The following KDM4C variants were observed in gnomAD, a reference collection of about 807,000 sequenced individuals.
KDM4C encodes lysine demethylase 4C.
A neutral mutation model predicts 129.3 loss-of-function variants in KDM4C; 81 were observed. That is an observed-to-expected ratio of 0.63 (90% CI 0.52 to 0.75). The LOEUF (loss-of-function observed/expected upper bound fraction) is 0.75, where lower values mean the gene tolerates loss of function less well. KDM4C is among the 30% of genes least tolerant of loss of function. KDM4C has a pLI of 0.00. For missense variants in KDM4C, 1,457 were observed against 1,304.0 expected (o/e 1.12, Z -1.81); for synonymous variants, 573 against 456.1 (o/e 1.26, Z -3.26).
chr9:7,025,471 T>C (rs1425093705), intron 15 of KDM4C, among the ~76,000 whole-genome samples: 2 of 152,258 alleles, frequency 1.3e-5, no homozygotes, highest in Non-Finnish European at 1.5e-5. Flanking sequence ...AAGGTGATTT[T>C]GTCTTGTGGT....
chr9:6,815,204 T>C (rs1191256381), intron 4 of KDM4C: 1 of 152,008 alleles, frequency 6.6e-6, no homozygotes, highest in African/African-American at 2.4e-5. Context: ...ATATATATTT[T>C]TAAAAAGTAC....
intron 15 of KDM4C, among the ~76,000 whole-genome samples, chr9:7,044,906 A>G (rs1829171675): frequency 6.6e-6 from 1 of 151,966 alleles, no homozygotes; most frequent in Admixed American, 6.6e-5. Flanking sequence ...CAGGAGGACA[A>G]TGAGGAGTCT....
intron 5 of KDM4C, among the ~76,000 whole-genome samples, chr9:6,875,464 A>C (rs911644274): frequency 6.6e-6 from 1 of 152,200 alleles, no homozygotes; most frequent in African/African-American, 2.4e-5. Context: ...TAGGACAGGA[A>C]GACTAATTTT....
At chr9:7,003,698 T>G (rs1024322237) in intron 12 of KDM4C, among the ~76,000 whole-genome samples, 1 of 152,236 alleles carries the variant, frequency 6.6e-6, no homozygotes, top group Non-Finnish European at 1.5e-5. Flanking sequence ...TTTTCCTCAA[T>G]GTCATCACTT....
chr9:7,011,110 A>T (rs925632249), intron 12 of KDM4C, among the ~76,000 whole-genome samples: 1 of 152,216 alleles, frequency 6.6e-6, no homozygotes, highest in African/African-American at 2.4e-5. Context: ...GGGGTATTTT[A>T]TGAGAAGATC....
intron 4 of KDM4C, among the ~76,000 whole-genome samples, chr9:6,825,941 G>A (rs1453478039): frequency 6.6e-6 from 1 of 152,104 alleles, no homozygotes; most frequent in Non-Finnish European, 1.5e-5. Context: ...CTACTGAGTA[G>A]CTGGGACTAC....
intron 1 of KDM4C, among the ~76,000 whole-genome samples, chr9:6,742,656 C>T (rs1396471954): frequency 4.3e-5 from 6 of 138,790 alleles, no homozygotes; most frequent in African/African-American, 1.7e-4. Flanking sequence ...ATTCCTCAGG[C>T]TCCTTTATTT....
intron 5 of KDM4C, 57 bp from the exon 6 acceptor site, chr9:6,879,955 A>T: frequency 1.2e-6 from 1 of 818,936 alleles, no homozygotes; most frequent in Non-Finnish European, 2.0e-6. Context: ...AGATGTCCTT[A>T]GGCTACTAGC....
intron 15 of KDM4C, among the ~76,000 whole-genome samples, chr9:7,027,305 G>GC (rs1825969106): frequency 6.6e-6 from 1 of 152,182 alleles, no homozygotes; most frequent in African/African-American, 2.4e-5. Context: ...GACACCCCAA[G>GC]CTCAGTAACA....
At chr9:7,174,432 A>G (rs1298998442) in intron 21 of KDM4C, 121 bp from the exon 22 acceptor site, 2 of 881,640 alleles carry the variant, frequency 2.3e-6, no homozygotes, top group Non-Finnish European at 1.8e-6. Context: ...GGGCCCTTTT[A>G]GCCTGAGCTG....
intron 17 of KDM4C, among the ~76,000 whole-genome samples, chr9:7,051,452 G>A (rs760725420): frequency 3.3e-5 from 5 of 152,128 alleles, no homozygotes; most frequent in African/African-American, 7.2e-5. Flanking sequence ...GGAATGAAAC[G>A]CACCTTTCCA....
chr9:7,163,047 C>T (rs559820296), intron 19 of KDM4C, among the ~76,000 whole-genome samples: 1 of 152,092 alleles, frequency 6.6e-6, no homozygotes, highest in Admixed American at 6.5e-5. Context: ...TAGTGATGGG[C>T]CGTGCAGGAA....
chr9:6,782,200 A>C lies in KDM4C; in HGVS notation c.-17-10772A>C, dbSNP rs555638483. Among the ~76,000 whole-genome samples the C allele has an allele frequency of 6.6e-5, 10 of 152,308 alleles. No homozygotes were observed. In the East Asian group the frequency reaches 1.9e-3, roughly 29 times the overall value. On this transcript the variant is annotated intron_variant, in intron 1 of 21. Coordinates refer to ENST00000381309, the MANE Select transcript of KDM4C (RefSeq NM_015061.6). ...TAATGAAGATTGATGACGTGTGTGG[A>C]GTGCCGAGAGCATTTAAAAAGGACG...
intron 18 of KDM4C, among the ~76,000 whole-genome samples, chr9:7,104,722 C>T (rs1045430888): frequency 1.2e-4 from 18 of 152,234 alleles, no homozygotes; most frequent in African/African-American, 4.3e-4. Flanking sequence ...GCTCTGCTAA[C>T]TTGCCGCACT....
At chr9:6,790,466 A>G (rs1316823120) in intron 1 of KDM4C, among the ~76,000 whole-genome samples, 1 of 147,732 alleles carries the variant, frequency 6.8e-6, no homozygotes, top group Non-Finnish European at 1.5e-5. Flanking sequence ...GTTAGCCAGG[A>G]TGGTCTCCAT....
At chr9:7,173,270 C>G (rs1467171042) in intron 21 of KDM4C, among the ~76,000 whole-genome samples, 1 of 152,184 alleles carries the variant, frequency 6.6e-6, no homozygotes, top group Non-Finnish European at 1.5e-5. Context: ...ATAACTTTCA[C>G]AGAAATGAAA....
chr9:6,759,029 G>GGCTA (rs1818860430), intron 1 of KDM4C, among the ~76,000 whole-genome samples: 1 of 152,152 alleles, frequency 6.6e-6, no homozygotes, highest in African/African-American at 2.4e-5. Context: ...TGCGCTGGCT[G>GGCTA]GCTCTGATTG....
intron 19 of KDM4C, among the ~76,000 whole-genome samples, chr9:7,138,157 G>C (rs1252714989): frequency 1.3e-5 from 2 of 152,192 alleles, no homozygotes; most frequent in African/African-American, 4.8e-5. Context: ...AGAATGGAGT[G>C]AGTGTATTTT....
Position 7,094,191 on chromosome 9 carries a change from C to T in KDM4C, c.2425-9494C>T, listed in dbSNP as rs777694691. On this transcript the variant is annotated intron_variant, in intron 17 of 21. Transcript: ENST00000381309. ...CCATTTACTTGTCCTCAAAGGAAGT[C>T]GGCCTGAATAATCCGGAAGCAGTAT... Among the ~76,000 whole-genome samples the T allele has an allele frequency of 1.3e-4, 20 of 152,304 alleles. No homozygotes were observed. The Middle Eastern group carries it at 0.01, about 78-fold the overall frequency.
Sources: allele counts gnomAD v4.1 joint callset (sites outside exome capture counted in the v4.1 genomes callset), GRCh38; gene constraint gnomAD v4.1.1; transcripts MANE v1.5; gene names NCBI Gene and HGNC (gene_info 2026-07-23, HGNC 2026-07-21).